PLCL2: variants seen among roughly 807,000 people sequenced by gnomAD.
PLCL2 encodes inactive phospholipase C-like protein 2.
Under a neutral mutation model 79.6 loss-of-function variants are expected in PLCL2, and 4 were observed. That is an observed-to-expected ratio of 0.05 (90% confidence interval 0.02 to 0.11). The LOEUF is 0.11. PLCL2 is among the 10% of genes least tolerant of loss of function. PLCL2 has a pLI of 1.00. For missense variants in PLCL2, 895 were observed against 1,291.0 expected (o/e 0.69, Z 4.70); for synonymous variants, 484 against 457.7 (o/e 1.06, Z -0.73).
At position 17,009,721 on chromosome 3, in the gene PLCL2, C is replaced by T. The variant is rs368088540; in HGVS notation, c.375C>T (p.Ser125=). Residue 125 remains serine (S), a synonymous_variant, in exon 2 of 6, where the codon AGC becomes AGT. Transcript: ENST00000615277. The surrounding 1 kb of genome is among the most constrained non-coding windows in gnomAD (Gnocchi z 4.0). ...KRERKKTVSF[S]SMPTEKKISS... is the part of the protein sequence containing the mutation. ...AACGGAAAAAGACAGTCTCATTCAG[C>T]AGCATGCCAACAGAGAAGAAGATCA... 10 of 1,609,688 alleles carry T rather than the reference C, an allele frequency of 6.2e-6. No individual in the cohort carries two copies. The highest frequency in any genetic ancestry group is 7.7e-6 in the Non-Finnish European group (9 of 1,176,348).
intron 1 of PLCL2, among the ~76,000 whole-genome samples, chr3:16,938,882 A>G (rs544076962): frequency 6.6e-6 from 1 of 152,366 alleles, no homozygotes. Context: ...GAGCGAAAGA[A>G]TTCAGAAATA....
intron 1 of PLCL2, among the ~76,000 whole-genome samples, chr3:16,965,064 C>T (rs1225471080): frequency 6.6e-6 from 1 of 151,774 alleles, no homozygotes; most frequent in Non-Finnish European, 1.5e-5. Context: ...GTTGCCATTG[C>T]TTTTGGTGTT....
chr3:16,970,086 G>A (rs1004508016), intron 1 of PLCL2, among the ~76,000 whole-genome samples: 3 of 149,204 alleles, frequency 2.0e-5, no homozygotes, highest in Admixed American at 6.7e-5. Flanking sequence ...TACACTTTAA[G>A]TTTTAGGGTA....
intron 4 of PLCL2, among the ~76,000 whole-genome samples, chr3:17,054,156 A>G (rs998530458): frequency 2.0e-5 from 3 of 152,118 alleles, no homozygotes; most frequent in Non-Finnish European, 4.4e-5. Flanking sequence ...CTTCTGCCAG[A>G]TATCCTAAAT....
rs376425812 is a variant in PLCL2 at position 16,915,642 on chromosome 3, C to T, written c.327+30276C>T. Among the ~76,000 whole-genome samples the T allele has an allele frequency of 2.6e-5, 4 of 151,888 alleles. No homozygotes were observed. In the East Asian group the frequency reaches 7.7e-4, roughly 29 times the overall value. ...TATTCAGATAGTGTTTCATCTCTGT[C>T]ATTAGGAAACTACTTCTCATTGATT... On this transcript the variant is annotated intron_variant, in intron 1 of 5. Transcript: ENST00000615277.
chr3:16,985,828 A>C (rs754931310), intron 1 of PLCL2, among the ~76,000 whole-genome samples: 7 of 152,166 alleles, frequency 4.6e-5, no homozygotes, highest in Non-Finnish European at 1.0e-4. Context: ...TTCCAGTGGC[A>C]GCTGCTGAGG....
At chr3:16,914,167 G>C (rs1254740293) in intron 1 of PLCL2, among the ~76,000 whole-genome samples, 3 of 152,186 alleles carry the variant, frequency 2.0e-5, no homozygotes, top group Non-Finnish European at 4.4e-5. Context: ...TTAGTTATGA[G>C]TTGTGGAGAG....
At chr3:17,015,201 G>A (rs931014172) in intron 3 of PLCL2, among the ~76,000 whole-genome samples, 1 of 152,206 alleles carries the variant, frequency 6.6e-6, no homozygotes, top group Non-Finnish European at 1.5e-5. Context: ...CCACACAGAT[G>A]TAGGAACGAG....
At chr3:17,058,795 G>T (rs569251641) in intron 4 of PLCL2, among the ~76,000 whole-genome samples, 1 of 152,150 alleles carries the variant, frequency 6.6e-6, no homozygotes, top group Non-Finnish European at 1.5e-5. Flanking sequence ...AGCCAGAGAG[G>T]TGGGAGGAGA....
intron 3 of PLCL2, among the ~76,000 whole-genome samples, chr3:17,034,918 C>T (rs1364780426): frequency 6.7e-6 from 1 of 150,360 alleles, no homozygotes; most frequent in African/African-American, 2.5e-5. Flanking sequence ...TCTCCCAGCA[C>T]CTCTCTCTGT....
intron 5 of PLCL2, among the ~76,000 whole-genome samples, chr3:17,068,303 A>G (rs2065029630): frequency 6.6e-6 from 1 of 152,228 alleles, no homozygotes; most frequent in African/African-American, 2.4e-5. Flanking sequence ...GTCCTGATAG[A>G]CAAAGGACTT....
chr3:17,072,883 G>A (rs2065073957), intron 5 of PLCL2, among the ~76,000 whole-genome samples: 1 of 152,134 alleles, frequency 6.6e-6, no homozygotes, highest in South Asian at 2.1e-4. Flanking sequence ...GAATAGCAGG[G>A]AAAAGAGATA....
chr3:17,056,026 C>G lies in PLCL2; in HGVS notation c.3095-11930C>G, dbSNP rs1299757682. ...TCTGTGATTAAATCCCAACACTGTG[C>G]TCTCTTGTCACATCTTCCTCCCTCC... On this transcript the variant is annotated intron_variant, in intron 4 of 5. Transcript: ENST00000615277. Among the ~76,000 whole-genome samples, 3 of 152,146 alleles carry G rather than the reference C, an allele frequency of 2.0e-5. No individual in the cohort carries two copies. The East Asian group carries it at 5.8e-4, about 29-fold the overall frequency.
intron 1 of PLCL2, among the ~76,000 whole-genome samples, chr3:16,940,112 G>C (rs1332330986): frequency 1.3e-5 from 2 of 152,186 alleles, no homozygotes; most frequent in Non-Finnish European, 2.9e-5. Flanking sequence ...TTACCATCTT[G>C]TGTGAAGTTC....
chr3:16,995,821 A>G (rs964579720), intron 1 of PLCL2, among the ~76,000 whole-genome samples: 1 of 152,216 alleles, frequency 6.6e-6, no homozygotes, highest in African/African-American at 2.4e-5. Context: ...TTCAGCCTGA[A>G]TTCTGCTTCT....
chr3:16,971,090 G>T (rs1298253394), intron 1 of PLCL2, among the ~76,000 whole-genome samples: 5 of 151,096 alleles, frequency 3.3e-5, no homozygotes, highest in Non-Finnish European at 5.9e-5. Flanking sequence ...GTCAATTTTG[G>T]CTTTTGTTGC....
chr3:16,915,417 A>G (rs1269688476), intron 1 of PLCL2, among the ~76,000 whole-genome samples: 4 of 152,208 alleles, frequency 2.6e-5, no homozygotes, highest in African/African-American at 9.6e-5. Context: ...AAAAGCTGGC[A>G]TATATTTACT....
chr3:17,078,901 A>G (rs748007531), intron 5 of PLCL2, among the ~76,000 whole-genome samples: 5 of 152,160 alleles, frequency 3.3e-5, no homozygotes, highest in Non-Finnish European at 5.9e-5. Context: ...ACTGAAAGCC[A>G]TTTCTCTATT....
chr3:16,957,783 A>G (rs1185486215), intron 1 of PLCL2, among the ~76,000 whole-genome samples: 1 of 152,098 alleles, frequency 6.6e-6, no homozygotes, highest in African/African-American at 2.4e-5. Context: ...CCATTATGTA[A>G]TGGCCTTCTT....
Sources: gnomAD v4.1 joint callset for allele counts (sites outside exome capture counted in the v4.1 genomes callset) on GRCh38, gnomAD v4.1.1 for gene constraint, Gnocchi (gnomAD v3.1) non-coding constraint, MANE v1.5 for transcripts, NCBI Gene and HGNC (gene_info 2026-07-23, HGNC 2026-07-21) for gene names.